Variants in STX18 observed in about 807,000 individuals in gnomAD.
The protein encoded by STX18 is syntaxin 18, also known as syntaxin-18.
In STX18, 40 loss-of-function variants were observed where a neutral mutation model predicts 50.1. That is an observed-to-expected ratio of 0.80 (90% CI 0.62 to 1.04). The LOEUF (loss-of-function observed/expected upper bound fraction) is 1.04. STX18 is among the 50% of genes least tolerant of loss of function. The pLI, the probability that STX18 is intolerant of heterozygous loss-of-function variation, is 0.00. For missense variants in STX18, 410 were observed against 415.8 expected (o/e 0.99, Z 0.12); for synonymous variants, 158 against 151.8 (o/e 1.04, Z -0.30).
chr4:4,490,255 G>C (rs1728884443), intron 1 of STX18, among the ~76,000 whole-genome samples: 1 of 152,026 alleles, frequency 6.6e-6, no homozygotes, highest in South Asian at 2.1e-4. Context: ...TCAAATATTA[G>C]CATGACCACT....
chr4:4,519,131 C>T (rs1173096941), intron 1 of STX18, among the ~76,000 whole-genome samples: 1 of 152,062 alleles, frequency 6.6e-6, no homozygotes, highest in African/African-American at 2.4e-5. Flanking sequence ...GTAACAAACA[C>T]ATTATTTTCT....
chr4:4,430,316 C>T (rs1461064417), intron 7 of STX18, among the ~76,000 whole-genome samples: 1 of 152,192 alleles, frequency 6.6e-6, no homozygotes, highest in Non-Finnish European at 1.5e-5. Flanking sequence ...TTAAAACCAA[C>T]AGTGTTGTAT....
intron 5 of STX18, among the ~76,000 whole-genome samples, chr4:4,439,790 G>A (rs1230152782): frequency 2.0e-5 from 3 of 151,920 alleles, no homozygotes; most frequent in Admixed American, 1.3e-4. Flanking sequence ...TCTTCCCCAC[G>A]GGCTCTTCCC....
intron 2 of STX18, 132 bp downstream of exon 2, chr4:4,471,507 C>T: frequency 3.5e-6 from 2 of 564,170 alleles, no homozygotes; most frequent in East Asian, 3.2e-5. Flanking sequence ...GAGATTTTTC[C>T]ACTGCCAAAC....
chr4:4,476,987 G>A (rs1728209072), intron 1 of STX18, among the ~76,000 whole-genome samples: 1 of 151,994 alleles, frequency 6.6e-6, no homozygotes, highest in Non-Finnish European at 1.5e-5. Context: ...GTCACCTGAG[G>A]TCAGGAGTTC....
intron 1 of STX18, among the ~76,000 whole-genome samples, chr4:4,517,830 G>T (rs895483118): frequency 2.7e-5 from 4 of 149,786 alleles, no homozygotes; most frequent in African/African-American, 9.9e-5. Flanking sequence ...AGGCTGGAGT[G>T]TAGGTGTGGT....
intron 5 of STX18, among the ~76,000 whole-genome samples, chr4:4,446,395 A>C (rs1726410730): frequency 6.6e-6 from 1 of 152,266 alleles, no homozygotes; most frequent in African/African-American, 2.4e-5. Context: ...CAGAATAGGA[A>C]AAAATATTTG....
chr4:4,420,390 G>A lies in STX18; in HGVS notation c.913-261C>T, dbSNP rs1724870832. The stretch of plus-strand genomic sequence containing the variant: ...CTCGGAATCACTCCCTTCTGTCCCA[G>A]GGTTAAGGGCCCCGAGCAGAGTGTG... On this transcript the variant is annotated intron_variant, in intron 10 of 10. Coordinates refer to ENST00000306200, the MANE Select transcript of STX18 (RefSeq NM_016930.4). The surrounding 1 kb of genome is among the most constrained non-coding windows in gnomAD (Gnocchi z 4.3). The A allele has an allele frequency of 2.1e-6, 1 of 468,842 alleles. No individual in the cohort carries two copies. Among genetic ancestry groups the A allele is most frequent in the Non-Finnish European group, 3.7e-6 (1 of 267,336 alleles). 29.0% of individuals were successfully genotyped at this position (468,842 alleles called of 1,614,324 possible). A position where few individuals can be genotyped will look rare whatever the true frequency, so the allele number is the denominator to read the frequency against.
intron 1 of STX18, among the ~76,000 whole-genome samples, chr4:4,474,709 GT>G (rs1728087457): frequency 6.6e-6 from 1 of 152,208 alleles, no homozygotes; most frequent in Admixed American, 6.5e-5. Context: ...AATGTTGCTG[GT>G]TTTGAAGATG....
chr4:4,461,867 A>C (rs1727396132), intron 2 of STX18: 3 of 456,106 alleles, frequency 6.6e-6, no homozygotes, highest in Non-Finnish European at 1.3e-5. Context: ...TGGGGTGTGC[A>C]TATAGTCACC....
chr4:4,458,194 G>A (rs1266966259), intron 3 of STX18, among the ~76,000 whole-genome samples: 6 of 152,174 alleles, frequency 3.9e-5, no homozygotes, highest in African/African-American at 7.2e-5. Flanking sequence ...ATTTTTACAC[G>A]TGAAGAAACT....
chr4:4,500,897 C>T (rs537487691), intron 1 of STX18, among the ~76,000 whole-genome samples: 23 of 151,960 alleles, frequency 1.5e-4, no homozygotes, highest in Non-Finnish European at 2.6e-4. Flanking sequence ...ATTAGCTGGG[C>T]GTGGTGGCGG....
At chr4:4,474,275 C>T (rs1329209827) in intron 1 of STX18, among the ~76,000 whole-genome samples, 1 of 152,202 alleles carries the variant, frequency 6.6e-6, no homozygotes, top group Non-Finnish European at 1.5e-5. Flanking sequence ...GATTTCCCTT[C>T]ACCAGACTGC....
intron 5 of STX18, among the ~76,000 whole-genome samples, chr4:4,445,249 TA>T (rs1490715788): frequency 6.6e-6 from 1 of 151,850 alleles, no homozygotes; most frequent in Non-Finnish European, 1.5e-5. Context: ...TCTACTAAAA[TA>T]CAAAAATCAG....
intron 1 of STX18, among the ~76,000 whole-genome samples, chr4:4,489,558 T>G (rs1728854441): frequency 6.6e-6 from 1 of 151,800 alleles, no homozygotes; most frequent in Non-Finnish European, 1.5e-5. Flanking sequence ...CCAGAAAATA[T>G]TATTTCAAGA....
chr4:4,534,433 C>G (rs990489931), intron 1 of STX18, among the ~76,000 whole-genome samples: 1 of 152,182 alleles, frequency 6.6e-6, no homozygotes, highest in Non-Finnish European at 1.5e-5. Context: ...TTTCTATTTC[C>G]ACTAATTAGT....
intron 1 of STX18, among the ~76,000 whole-genome samples, chr4:4,496,508 T>C (rs923366714): frequency 6.6e-6 from 1 of 152,206 alleles, no homozygotes; most frequent in African/African-American, 2.4e-5. Flanking sequence ...CTTGTGGCCC[T>C]GTCTTTGCAG....
intron 5 of STX18, among the ~76,000 whole-genome samples, chr4:4,447,117 A>G (rs527969078): frequency 6.6e-6 from 1 of 152,334 alleles, no homozygotes; most frequent in Admixed American, 6.5e-5. Context: ...TTTAGCATCT[A>G]TGACTTAATA....
chr4:4,536,045 C>T (rs1731312741), intron 1 of STX18, among the ~76,000 whole-genome samples: 1 of 152,198 alleles, frequency 6.6e-6, no homozygotes, highest in South Asian at 2.1e-4. Context: ...GTTGTGCTAC[C>T]TGTGTCTGCT....
Sources: gnomAD v4.1 joint callset for allele counts (sites outside exome capture counted in the v4.1 genomes callset) on GRCh38, gnomAD v4.1.1 for gene constraint, Gnocchi (gnomAD v3.1) non-coding constraint, MANE v1.5 for transcripts, NCBI Gene and HGNC (gene_info 2026-07-23, HGNC 2026-07-21) for gene names.